The following UNC5D variants were observed in gnomAD, a reference collection of about 807,000 sequenced individuals.
UNC5D encodes netrin receptor UNC5D.
A neutral mutation model predicts 105.4 loss-of-function variants in UNC5D; 39 were observed. The ratio of observed to expected loss-of-function variants is 0.37; its 90% CI spans 0.29 to 0.48. UNC5D has a LOEUF of 0.48. UNC5D is among the 20% of genes least tolerant of loss of function. The pLI, the probability that UNC5D is intolerant of heterozygous loss-of-function variation, is 0.98. For synonymous variants in UNC5D, 452 were observed against 450.4 expected, an observed-to-expected ratio of 1.00 and a Z score of -0.04; for missense variants, 991 against 1,202.4, an observed-to-expected ratio of 0.82 and a Z score of 2.60.
At chr8:35,648,308 T>C (rs1823181096) in intron 4 of UNC5D, among the ~76,000 whole-genome samples, 1 of 152,136 alleles carries the variant, frequency 6.6e-6, no homozygotes, top group Non-Finnish European at 1.5e-5. Context: ...TTTATGATTG[T>C]TAACATCATT....
At chr8:35,744,240 G>A (rs979526226) in intron 11 of UNC5D, among the ~76,000 whole-genome samples, 1 of 152,196 alleles carries the variant, frequency 6.6e-6, no homozygotes, top group Non-Finnish European at 1.5e-5. Flanking sequence ...CTGTCGGGAG[G>A]TATATTCTGT....
At chr8:35,593,261 A>G (rs1235268152) in intron 3 of UNC5D, among the ~76,000 whole-genome samples, 1 of 152,108 alleles carries the variant, frequency 6.6e-6, no homozygotes. Context: ...ATTTTTTTAC[A>G]TTTTCTATTT....
chr8:35,417,209 T>C (rs537993954), intron 1 of UNC5D, among the ~76,000 whole-genome samples: 19 of 152,298 alleles, frequency 1.2e-4, no homozygotes, highest in African/African-American at 4.6e-4. Context: ...CTATTAACCA[T>C]GTCTACCTCT....
chr8:35,570,142 G>A (rs532125643), intron 3 of UNC5D, among the ~76,000 whole-genome samples: 1 of 152,300 alleles, frequency 6.6e-6, no homozygotes, highest in South Asian at 2.1e-4. Context: ...TGCCATTCAT[G>A]GTGTATAGTA....
intron 1 of UNC5D, among the ~76,000 whole-genome samples, chr8:35,540,154 T>G (rs192424674): frequency 2.4e-4 from 37 of 152,270 alleles, no homozygotes; most frequent in Admixed American, 7.9e-4. Context: ...ATTTGAAAAT[T>G]AGTCAGTGGG....
intron 1 of UNC5D, among the ~76,000 whole-genome samples, chr8:35,285,133 T>C (rs558766829): frequency 1.3e-5 from 2 of 152,332 alleles, no homozygotes; most frequent in South Asian, 4.1e-4. Flanking sequence ...TGTATAATCA[T>C]AAGACTTTCA....
intron 1 of UNC5D, among the ~76,000 whole-genome samples, chr8:35,298,072 C>A (rs2128868185): frequency 6.6e-6 from 1 of 152,278 alleles, no homozygotes; most frequent in African/African-American, 2.4e-5. Flanking sequence ...TGAGCTTCCC[C>A]TGCTCACCCA....
chr8:35,344,852 T>A (rs1811691490), intron 1 of UNC5D, among the ~76,000 whole-genome samples: 1 of 152,042 alleles, frequency 6.6e-6, no homozygotes, highest in African/African-American at 2.4e-5. Context: ...AAAATTCCTT[T>A]AAGAAGCACA....
At chr8:35,287,548 A>C (rs1806693255) in intron 1 of UNC5D, among the ~76,000 whole-genome samples, 2 of 67,362 alleles carry the variant, frequency 3.0e-5, no homozygotes, top group African/African-American at 8.5e-5. Flanking sequence ...AAATCCCAGT[A>C]CTTTGGGGGG....
intron 2 of UNC5D, among the ~76,000 whole-genome samples, chr8:35,555,914 CA>C (rs1158527483): frequency 7.8e-6 from 1 of 127,838 alleles, no homozygotes; most frequent in East Asian, 2.3e-4. Flanking sequence ...CACACACACA[CA>C]CACACACACA....
chr8:35,520,677 G>A (rs2130445829), intron 1 of UNC5D, among the ~76,000 whole-genome samples: 1 of 152,142 alleles, frequency 6.6e-6, no homozygotes, highest in South Asian at 2.1e-4. Context: ...AGGGTAGTAT[G>A]TATACCCATG....
intron 4 of UNC5D, among the ~76,000 whole-genome samples, chr8:35,638,500 T>G (rs1194933558): frequency 6.6e-6 from 1 of 151,932 alleles, no homozygotes; most frequent in African/African-American, 2.4e-5. Context: ...AGGATTAAGA[T>G]TTAACATAAT....
chr8:35,361,078 T>C (rs1801827585), intron 1 of UNC5D, among the ~76,000 whole-genome samples: 1 of 152,118 alleles, frequency 6.6e-6, no homozygotes, highest in Non-Finnish European at 1.5e-5. Context: ...AAAACTAGCA[T>C]GCTTGCCAGG....
chr8:35,456,530 C>T (rs975476207), intron 1 of UNC5D, among the ~76,000 whole-genome samples: 35 of 152,290 alleles, frequency 2.3e-4, no homozygotes, highest in African/African-American at 6.7e-4. Context: ...TTCTACCTAA[C>T]ATTGGGCTCC....
At chr8:35,677,165 TA>T (rs1477617228) in intron 4 of UNC5D, among the ~76,000 whole-genome samples, 1 of 152,050 alleles carries the variant, frequency 6.6e-6, no homozygotes, top group Non-Finnish European at 1.5e-5. Context: ...CTCTGTAAAT[TA>T]AAGACCACCA....
At chr8:35,471,306 C>T (rs1809706427) in intron 1 of UNC5D, among the ~76,000 whole-genome samples, 1 of 152,094 alleles carries the variant, frequency 6.6e-6, no homozygotes, top group African/African-American at 2.4e-5. Flanking sequence ...ACTTATGTCA[C>T]AGAAGGTTTG....
chr8:35,746,247 C>A (rs1830001911), intron 11 of UNC5D, among the ~76,000 whole-genome samples: 1 of 152,132 alleles, frequency 6.6e-6, no homozygotes, highest in East Asian at 1.9e-4. Context: ...TCCTCTGTGA[C>A]CTTATGCTGT....
intron 1 of UNC5D, among the ~76,000 whole-genome samples, chr8:35,390,850 G>A (rs1443911637): frequency 6.6e-6 from 1 of 152,184 alleles, no homozygotes; most frequent in Non-Finnish European, 1.5e-5. Context: ...TTAAAAGAGT[G>A]TACCATGTAT....
At chr8:35,777,140 TC>T (rs1485833748) in intron 16 of UNC5D, among the ~76,000 whole-genome samples, 2 of 152,064 alleles carry the variant, frequency 1.3e-5, no homozygotes, top group African/African-American at 4.8e-5. Context: ...TGTAATCCCA[TC>T]TACTCTGGAG....
Sources: allele counts gnomAD v4.1 joint callset (sites outside exome capture counted in the v4.1 genomes callset), GRCh38; gene constraint gnomAD v4.1.1; transcripts MANE v1.5; gene names NCBI Gene and HGNC (gene_info 2026-07-23, HGNC 2026-07-21).